SHISA9: variants seen among roughly 807,000 people sequenced by gnomAD.
The protein encoded by SHISA9 is shisa family member 9.
A neutral mutation model predicts 38.0 loss-of-function variants in SHISA9; 13 were observed. The ratio of observed to expected loss-of-function variants is 0.34; its 90% confidence interval spans 0.22 to 0.54. SHISA9 has a LOEUF of 0.54. SHISA9 is among the 20% of genes least tolerant of loss of function. The pLI, the probability that SHISA9 is intolerant of heterozygous loss-of-function variation, is 0.91. For synonymous variants in SHISA9, 275 were observed against 242.0 expected (o/e 1.14, Z -1.27); for missense variants, 538 against 575.8 (o/e 0.93, Z 0.67).
rs771733080 is a variant in SHISA9 at position 13,235,415 on chromosome 16, C to T, written c.*6C>T. 2 of 1,533,388 alleles carry T rather than the reference C, an allele frequency of 1.3e-6. No homozygotes were observed. The highest frequency in any genetic ancestry group is 2.4e-5 in the South Asian group (2 of 83,206). The allele number at this position is 1,533,388 out of a possible 1,614,324, so 95.0% of individuals were successfully genotyped here. A position where few individuals can be genotyped will look rare whatever the true frequency, so the allele number is the denominator to read the frequency against. On this transcript the variant is annotated 3_prime_UTR_variant, in exon 5 of 5. Transcript: ENST00000558583. ...AAACAGAAGTGACTGTCTGAGCTTTCACCACAGGGAGCACCCTGGAGACCA... is the reference window on the plus strand; with the variant it reads ...AAACAGAAGTGACTGTCTGAGCTTTTACCACAGGGAGCACCCTGGAGACCA...
At chr16:13,561,032 T>G in the SHISA9 span, among the ~76,000 whole-genome samples, 1 of 151,914 alleles carries the variant, frequency 6.6e-6, no homozygotes, top group Non-Finnish European at 1.5e-5. Flanking sequence ...CCCGGCTAAT[T>G]TTTGTATTTT....
chr16:13,031,329 G>C (rs1483917341), intron 2 of SHISA9, among the ~76,000 whole-genome samples: 1 of 152,162 alleles, frequency 6.6e-6, no homozygotes, highest in Non-Finnish European at 1.5e-5. Context: ...AACGAGCTCT[G>C]TTGCCTTGAC....
At chr16:12,992,795 G>T (rs2072405208) in intron 2 of SHISA9, among the ~76,000 whole-genome samples, 1 of 152,124 alleles carries the variant, frequency 6.6e-6, no homozygotes, top group Non-Finnish European at 1.5e-5. Context: ...ATGTTTCAAA[G>T]GGCATGCATT....
At chr16:13,068,250 TC>T (rs1013746015) in intron 2 of SHISA9, among the ~76,000 whole-genome samples, 1 of 152,236 alleles carries the variant, frequency 6.6e-6, no homozygotes, top group Non-Finnish European at 1.5e-5. Context: ...TGAACAGGAC[TC>T]TTTACCTGCC....
the SHISA9 span, among the ~76,000 whole-genome samples, chr16:13,390,695 A>G: frequency 6.6e-6 from 1 of 152,198 alleles, no homozygotes; most frequent in South Asian, 2.1e-4. Flanking sequence ...ACAGTCATTC[A>G]CTATTATGAT....
At chr16:13,326,789 C>T in the SHISA9 span, among the ~76,000 whole-genome samples, 1 of 152,146 alleles carries the variant, frequency 6.6e-6, no homozygotes, top group Non-Finnish European at 1.5e-5. Flanking sequence ...ATATCATGTG[C>T]CTGTCCCTAT....
intron 2 of SHISA9, among the ~76,000 whole-genome samples, chr16:13,199,682 A>G (rs897178097): frequency 5.9e-5 from 9 of 152,170 alleles, no homozygotes; most frequent in Middle Eastern, 3.2e-3. Flanking sequence ...TTTGACTCCA[A>G]TGGTTCCAAG....
In SHISA9 at chr16:12,910,363, C is replaced by T. The variant is rs11863350; in HGVS notation, c.564-6325C>T. ...ATTTACTGAACATCTAACTTATGCC[C>T]AACACTGTGCTGAGAGATATGAGAT... is the stretch of plus-strand genomic sequence containing the variant. On this transcript the variant is annotated intron_variant, in intron 1 of 4. Coordinates refer to ENST00000558583, the MANE Select transcript of SHISA9 (RefSeq NM_001145204.3). The T allele has an allele frequency of 3.5e-3, 1,946 of 550,250 alleles. 35 individuals are homozygous for T. The African/African-American group carries it at 0.036, about 10-fold the overall frequency. 34.1% of individuals were successfully genotyped at this position (550,250 alleles called of 1,614,324 possible).
chr16:12,905,900 C>G (rs144296037), intron 1 of SHISA9, among the ~76,000 whole-genome samples: 272 of 152,292 alleles, frequency 1.8e-3, no homozygotes, highest in African/African-American at 6.2e-3. Flanking sequence ...TGTGCCTGAC[C>G]GTATTTGTAT....
intron 1 of SHISA9, among the ~76,000 whole-genome samples, chr16:12,915,849 T>C (rs1253089095): frequency 5.3e-5 from 8 of 152,174 alleles, no homozygotes; most frequent in South Asian, 4.1e-4. Context: ...TACAAAAATA[T>C]ATATCTTTCA....
At chr16:13,425,465 G>A in the SHISA9 span, among the ~76,000 whole-genome samples, 3 of 151,932 alleles carry the variant, frequency 2.0e-5, no homozygotes, top group Admixed American at 6.6e-5. Context: ...CCAGCCTGGG[G>A]GACAGAGTGA....
chr16:13,470,788 T>G, the SHISA9 span, among the ~76,000 whole-genome samples: 4 of 152,106 alleles, frequency 2.6e-5, no homozygotes, highest in African/African-American at 9.7e-5. Flanking sequence ...TTTTCCACAT[T>G]TATTTTACTA....
chr16:12,919,042 T>C (rs1311899441), intron 2 of SHISA9, among the ~76,000 whole-genome samples: 1 of 152,224 alleles, frequency 6.6e-6, no homozygotes, highest in Non-Finnish European at 1.5e-5. Context: ...TTACATATTA[T>C]AGATACAGAA....
intron 2 of SHISA9, among the ~76,000 whole-genome samples, chr16:12,982,863 G>T (rs940735321): frequency 6.6e-6 from 1 of 152,194 alleles, no homozygotes; most frequent in Non-Finnish European, 1.5e-5. Context: ...GACATTATAG[G>T]TAGCTGTCAG....
chr16:13,007,505 C>A lies in SHISA9; in HGVS notation c.691+90690C>A, dbSNP rs550811822. On this transcript the variant is annotated intron_variant, in intron 2 of 4. Coordinates refer to ENST00000558583, the MANE Select transcript of SHISA9 (RefSeq NM_001145204.3). ...AACTAATCTATCCACTGCAACTTAT[C>A]TCTCCCCTGCAGCCAGAGGAATCTA... Among the ~76,000 whole-genome samples the A allele has an allele frequency of 3.3e-5, 5 of 152,310 alleles. No individual in the cohort carries two copies. In the South Asian group the frequency reaches 1.0e-3, roughly 32 times the overall value.
the SHISA9 span, among the ~76,000 whole-genome samples, chr16:13,474,037 G>A: frequency 6.6e-6 from 1 of 152,334 alleles, no homozygotes; most frequent in South Asian, 2.1e-4. Context: ...GCCCTAACAA[G>A]AAGGATGAAG....
the SHISA9 span, among the ~76,000 whole-genome samples, chr16:13,360,437 GT>G: frequency 6.6e-6 from 1 of 152,104 alleles, no homozygotes; most frequent in African/African-American, 2.4e-5. Context: ...CATGGGGGCG[GT>G]TTCCCCCATG....
the SHISA9 span, among the ~76,000 whole-genome samples, chr16:13,397,183 C>G: frequency 6.6e-6 from 1 of 152,202 alleles, no homozygotes; most frequent in African/African-American, 2.4e-5. Context: ...TGTTAATCGA[C>G]TGTCTACGTA....
the SHISA9 span, among the ~76,000 whole-genome samples, chr16:13,440,051 A>G: frequency 6.6e-6 from 1 of 152,206 alleles, no homozygotes; most frequent in Non-Finnish European, 1.5e-5. Context: ...AAGCCTTCCT[A>G]TACTCGTTGG....
Sources: gnomAD v4.1 joint callset for allele counts (sites outside exome capture counted in the v4.1 genomes callset) on GRCh38, gnomAD v4.1.1 for gene constraint, MANE v1.5 for transcripts, NCBI Gene and HGNC (gene_info 2026-07-23, HGNC 2026-07-21) for gene names.